The following RABEPK variants were observed in gnomAD, a reference collection of about 807,000 sequenced individuals.
RABEPK encodes 40 kDa Rab9 effector protein.
Under a neutral mutation model 34.1 loss-of-function variants are expected in RABEPK, and 27 were observed. The ratio of observed to expected loss-of-function variants is 0.79; its 90% CI spans 0.58 to 1.09. RABEPK has a LOEUF of 1.09. Ranked by LOEUF, RABEPK falls within the 50% of genes least tolerant of loss-of-function variation. The probability of loss-of-function intolerance (pLI) is 0.00; values close to 1 mark genes in which losing one functional copy is unlikely to be tolerated. For missense variants in RABEPK, 449 were observed against 462.6 expected, an observed-to-expected ratio of 0.97 and a Z score of 0.27; for synonymous variants, 172 against 169.2, an observed-to-expected ratio of 1.02 and a Z score of -0.13.
Position 125,234,160 on chromosome 9 carries a change from G to C in RABEPK, c.*180G>C. The C allele has an allele frequency of 1.6e-6, 1 of 637,950 alleles. No individual in the cohort carries two copies. Among genetic ancestry groups the C allele is most frequent in the Non-Finnish European group, 2.6e-6 (1 of 378,726 alleles). 39.5% of individuals were successfully genotyped at this position (637,950 alleles called of 1,614,324 possible). On this transcript the variant is annotated 3_prime_UTR_variant, in exon 8 of 8. Coordinates refer to ENST00000373538, the MANE Select transcript of RABEPK (RefSeq NM_005833.4). ...CTAAACCTTGCTATATTGCCTCTCA[G>C]AGCTCTTGGGAATGACTTTCAGTGA...
intron 5 of RABEPK, chr9:125,221,530 C>G (rs954644154): frequency 1.3e-5 from 2 of 151,626 alleles, no homozygotes; most frequent in East Asian, 1.9e-4. Context: ...GTATAATGAT[C>G]AAGTTAAAAA....
Position 125,226,757 on chromosome 9 carries a change from G to A in RABEPK, c.527-1153G>A, listed in dbSNP as rs192844838. Among the ~76,000 whole-genome samples the A allele has an allele frequency of 1.6e-3, 236 of 151,588 alleles. 3 individuals are homozygous for A. The highest frequency in any genetic ancestry group is 5.5e-3 in the African/African-American group (228 of 41,314). On this transcript the variant is annotated intron_variant, in intron 5 of 7. Coordinates refer to ENST00000373538, the MANE Select transcript of RABEPK (RefSeq NM_005833.4). Reference sequence around the variant, plus strand: ...CATGTGGCTGTAGTCCCAGCTACTCGGGAGGCTGAGGCAGGAGAATTGCTT... The same window carrying A: ...CATGTGGCTGTAGTCCCAGCTACTCAGGAGGCTGAGGCAGGAGAATTGCTT...
intron 2 of RABEPK, among the ~76,000 whole-genome samples, chr9:125,206,674 G>A (rs1449541731): frequency 6.6e-6 from 1 of 152,192 alleles, no homozygotes; most frequent in African/African-American, 2.4e-5. Context: ...AGTGGCAAGA[G>A]CCCCAGGGCT....
chr9:125,207,532 C>A, intron 2 of RABEPK, 32 bp from the exon 3 acceptor site: 1 of 1,603,250 alleles, frequency 6.2e-7, no homozygotes, highest in South Asian at 1.1e-5. Context: ...ATTCTCTGCT[C>A]AGGCCTCCTG....
chr9:125,230,062 C>G (rs1437136269), intron 6 of RABEPK, among the ~76,000 whole-genome samples: 1 of 152,126 alleles, frequency 6.6e-6, no homozygotes, highest in Non-Finnish European at 1.5e-5. Context: ...CCTCTCAGGT[C>G]AAGTGATTCT....
chr9:125,233,448 C>T (rs923530103), intron 7 of RABEPK, among the ~76,000 whole-genome samples: 14 of 149,694 alleles, frequency 9.4e-5, no homozygotes, highest in African/African-American at 3.2e-4. Flanking sequence ...ACGCCATTCT[C>T]CTGCCTCAGC....
intron 5 of RABEPK, among the ~76,000 whole-genome samples, chr9:125,222,713 C>CAAA (rs756826019): frequency 4.8e-4 from 23 of 48,344 alleles, no homozygotes; most frequent in African/African-American, 1.4e-3. Flanking sequence ...GACTCTGTAT[C>CAAA]AAAAAAAAAA....
chr9:125,204,901 CATT>C (rs1830123004), intron 2 of RABEPK, among the ~76,000 whole-genome samples: 1 of 152,132 alleles, frequency 6.6e-6, no homozygotes, highest in Non-Finnish European at 1.5e-5. Flanking sequence ...AATTGTGGCT[CATT>C]ATAGCCTCGA....
chr9:125,218,159 A>G (rs1266314895), intron 4 of RABEPK, among the ~76,000 whole-genome samples: 2 of 151,276 alleles, frequency 1.3e-5, no homozygotes, highest in Non-Finnish European at 2.9e-5. Context: ...AAAAAAAAAA[A>G]AATACAAAAA....
At chr9:125,214,878 C>T (rs1441363954) in intron 4 of RABEPK, among the ~76,000 whole-genome samples, 1 of 149,420 alleles carries the variant, frequency 6.7e-6, no homozygotes, top group Non-Finnish European at 1.5e-5. Context: ...ACAACCTCTG[C>T]CTCCCGGGTT....
chr9:125,203,088 C>T (rs2131363905), intron 2 of RABEPK, 22 bp downstream of exon 2: 1 of 1,601,998 alleles, frequency 6.2e-7, no homozygotes, highest in Non-Finnish European at 8.5e-7. Flanking sequence ...AGGATCCAGA[C>T]ACAGAAAAGC....
chr9:125,212,662 T>C (rs1205519791), intron 3 of RABEPK, among the ~76,000 whole-genome samples: 1 of 151,740 alleles, frequency 6.6e-6, no homozygotes, highest in African/African-American at 2.4e-5. Flanking sequence ...TTCTTTTTTT[T>C]TTTTTTGAGA....
intron 5 of RABEPK, among the ~76,000 whole-genome samples, chr9:125,223,099 G>T (rs1311621413): frequency 6.6e-6 from 1 of 152,162 alleles, no homozygotes; most frequent in East Asian, 1.9e-4. Flanking sequence ...GGCCAAGATG[G>T]TGAAACCCTG....
intron 3 of RABEPK, among the ~76,000 whole-genome samples, chr9:125,209,022 A>G (rs189557506): frequency 1.4e-5 from 2 of 146,426 alleles, no homozygotes; most frequent in Admixed American, 1.4e-4. Context: ...AAATCTAACC[A>G]TGTCACTCCC....
chr9:125,212,782 A>T (rs1186894029), intron 3 of RABEPK, among the ~76,000 whole-genome samples: 2 of 149,406 alleles, frequency 1.3e-5, no homozygotes, highest in Non-Finnish European at 3.0e-5. Context: ...CGAGTCCCCT[A>T]CCTCAGCCTC....
chr9:125,218,486 C>A (rs1831103634), intron 4 of RABEPK, among the ~76,000 whole-genome samples: 1 of 152,152 alleles, frequency 6.6e-6, no homozygotes, highest in Non-Finnish European at 1.5e-5. Context: ...GTGAAGACAC[C>A]AGGGATGGCA....
chr9:125,210,954 C>T (rs1203053057), intron 3 of RABEPK, among the ~76,000 whole-genome samples: 118 of 148,144 alleles, frequency 8.0e-4, no homozygotes, highest in African/African-American at 2.8e-3. Flanking sequence ...TCTCCTGGGC[C>T]GGGCATGGTG....
chr9:125,210,863 A>G (rs71495546), intron 3 of RABEPK, among the ~76,000 whole-genome samples: 5 of 140,210 alleles, frequency 3.6e-5, no homozygotes, highest in Admixed American at 7.2e-5. Context: ...TTTGAAATGG[A>G]GTCTCAAACT....
intron 5 of RABEPK, among the ~76,000 whole-genome samples, chr9:125,222,972 C>T (rs1258721671): frequency 6.6e-6 from 1 of 151,984 alleles, no homozygotes; most frequent in African/African-American, 2.4e-5. Context: ...ACCACCCGGC[C>T]TTCACCATCA....
Sources: allele counts gnomAD v4.1 joint callset (sites outside exome capture counted in the v4.1 genomes callset), GRCh38; gene constraint gnomAD v4.1.1; transcripts MANE v1.5; gene names NCBI Gene and HGNC (gene_info 2026-07-23, HGNC 2026-07-21).